CAGE1: variants seen among roughly 807,000 people sequenced by gnomAD.
CAGE1 encodes the protein cancer-associated gene 1 protein.
Under a neutral mutation model 94.9 loss-of-function variants are expected in CAGE1, and 66 were observed. The ratio of observed to expected loss-of-function variants is 0.70; its 90% CI spans 0.57 to 0.85. CAGE1 has a LOEUF of 0.85. Among genes scored for constraint, CAGE1 ranks in the 40% least tolerant of loss-of-function variants. CAGE1 has a pLI of 0.00. For synonymous variants in CAGE1, 319 were observed against 321.0 expected, an observed-to-expected ratio of 0.99 and a Z score of 0.07; for missense variants, 865 against 950.4, an observed-to-expected ratio of 0.91 and a Z score of 1.18.
At chr6:7,355,317 C>G (rs1214850190) in intron 10 of CAGE1, among the ~76,000 whole-genome samples, 1 of 151,964 alleles carries the variant, frequency 6.6e-6, no homozygotes, top group Non-Finnish European at 1.5e-5. Flanking sequence ...CGTGAAGTAC[C>G]AAAAAATGGA....
At position 7,373,293 on chromosome 6, in the gene CAGE1, A is replaced by C. The variant is rs1760615239; in HGVS notation, c.1526T>G (p.Leu509Arg). The change falls in exon 5 of 14, where the codon CTT becomes CGT. Residue 509 changes from leucine (L) to arginine (R), a missense_variant. By Grantham distance (102) the Leu-to-Arg change is moderately radical (BLOSUM62 -2). Transcript: ENST00000502583. Reference sequence around the variant, plus strand: ...TCTAACTTGAGTGAGCAATTTCTCAAGTCTAGATTTCAGTTTCTGTCTTTC... The same window carrying C: ...TCTAACTTGAGTGAGCAATTTCTCACGTCTAGATTTCAGTTTCTGTCTTTC... ...LEERQKLKSR[L>R]EKLLTQVRNL... The C allele has an allele frequency of 1.2e-6, 2 of 1,604,846 alleles. No homozygotes were observed. The highest frequency in any genetic ancestry group is 1.7e-5 in the Admixed American group (1 of 58,262).
At chr6:7,343,950 A>G (rs571553127) in intron 11 of CAGE1, among the ~76,000 whole-genome samples, 5 of 152,366 alleles carry the variant, frequency 3.3e-5, no homozygotes, top group African/African-American at 1.2e-4. Context: ...AGATTCATCA[A>G]AAACACAGAC....
intron 4 of CAGE1, among the ~76,000 whole-genome samples, chr6:7,375,434 A>AC (rs557642613): frequency 7.5e-4 from 114 of 152,128 alleles, no homozygotes; most frequent in Middle Eastern, 6.8e-3. Flanking sequence ...AAACAAACAA[A>AC]AAAAACAAAA....
At chr6:7,345,485 A>G (rs372379749) in intron 11 of CAGE1, among the ~76,000 whole-genome samples, 2 of 152,224 alleles carry the variant, frequency 1.3e-5, no homozygotes, top group Admixed American at 1.3e-4. Flanking sequence ...ACAAAATGGC[A>G]TACTCACATT....
At chr6:7,361,013 G>A (rs1223543321) in intron 9 of CAGE1, among the ~76,000 whole-genome samples, 1 of 152,056 alleles carries the variant, frequency 6.6e-6, no homozygotes, top group Non-Finnish European at 1.5e-5. Context: ...TATAGAGCAG[G>A]TGAGGAACAA....
At chr6:7,334,133 T>C in intron 11 of CAGE1, 43 bp from the exon 12 acceptor site, 1 of 1,210,608 alleles carries the variant, frequency 8.3e-7, no homozygotes, top group Middle Eastern at 1.9e-4. Flanking sequence ...AAATGGACTT[T>C]TCTAGACCAA....
In CAGE1 at chr6:7,385,847, T is replaced by G; in HGVS notation, c.221A>C (p.Glu74Ala). ...ACAAAGTGTGGATTCATACTCATTT[T>G]CCCTTTCAAAATTCTTTATTTCGTT... ...PQNEIKNFER[E>A]NEYESTLCED... Residue 74 changes from glutamate to alanine, a missense_variant, in exon 3 of 14, where the codon GAA becomes GCA. By Grantham distance (107) the Glu-to-Ala change is moderately radical. Transcript: ENST00000502583. 2 of 1,539,210 alleles carry G rather than the reference T, an allele frequency of 1.3e-6. No individual in the cohort carries two copies. Among genetic ancestry groups the G allele is most frequent in the Non-Finnish European group, 1.8e-6 (2 of 1,142,422 alleles).
intron 11 of CAGE1, among the ~76,000 whole-genome samples, chr6:7,354,203 T>A (rs1759876478): frequency 6.6e-6 from 1 of 152,240 alleles, no homozygotes. Context: ...TTATATTTCA[T>A]TGGCCTATGA....
At chr6:7,371,977 G>A (rs1461019675) in intron 5 of CAGE1, among the ~76,000 whole-genome samples, 4 of 148,250 alleles carry the variant, frequency 2.7e-5, no homozygotes, top group Non-Finnish European at 4.4e-5. Flanking sequence ...CAGGTTCTTC[G>A]CTGCCAAAAA....
At chr6:7,341,137 A>T in intron 11 of CAGE1, 1 of 564,176 alleles carries the variant, frequency 1.8e-6, no homozygotes, top group Non-Finnish European at 3.5e-6. Context: ...AGCTTCCCAC[A>T]GCCGGTAGTT....
chr6:7,354,516 G>C (rs968111073), intron 11 of CAGE1, among the ~76,000 whole-genome samples: 2 of 152,102 alleles, frequency 1.3e-5, no homozygotes, highest in African/African-American at 4.8e-5. Context: ...TCCAGTGATA[G>C]CCAGCACAGC....
intron 13 of CAGE1, chr6:7,329,232 C>A: frequency 2.5e-6 from 1 of 402,570 alleles, no homozygotes; most frequent in South Asian, 9.9e-5. Context: ...CGCGCCCAGC[C>A]TGTATCCTAT....
chr6:7,387,713 T>C (rs370274686), intron 1 of CAGE1, among the ~76,000 whole-genome samples: 26 of 152,200 alleles, frequency 1.7e-4, no homozygotes, highest in South Asian at 6.2e-4. Context: ...GTCCCGTCCA[T>C]GTCTCCTTTA....
chr6:7,336,854 C>T lies in CAGE1; in HGVS notation c.2370-2764G>A, dbSNP rs1758970112. ...TGCTTATTTGCCATCCATATACTTT[C>T]TTGGTAGAATCTCTACTAAAATCTT... On this transcript the variant is annotated intron_variant, in intron 11 of 13. Coordinates refer to ENST00000502583, the MANE Select transcript of CAGE1 (RefSeq NM_001170692.2). Among the ~76,000 whole-genome samples the T allele has an allele frequency of 2.0e-5, 3 of 152,142 alleles. 1 individual carries two copies. Among genetic ancestry groups the T allele is most frequent in the Non-Finnish European group, 4.4e-5 (3 of 68,026 alleles).
chr6:7,375,340 T>A (rs1395388725), intron 4 of CAGE1, among the ~76,000 whole-genome samples: 2 of 150,810 alleles, frequency 1.3e-5, no homozygotes, highest in African/African-American at 2.4e-5. Flanking sequence ...ACCCTGGAGG[T>A]GGAGGCTACA....
chr6:7,344,342 T>A (rs1018389031), intron 11 of CAGE1, among the ~76,000 whole-genome samples: 28 of 152,218 alleles, frequency 1.8e-4, no homozygotes, highest in African/African-American at 6.5e-4. Context: ...GCCCGGGCAA[T>A]GAGGGGTTTA....
intron 3 of CAGE1, among the ~76,000 whole-genome samples, chr6:7,380,254 C>A (rs1760885447): frequency 6.6e-6 from 1 of 152,278 alleles, no homozygotes; most frequent in East Asian, 1.9e-4. Flanking sequence ...CTCCAAAATA[C>A]CCTGCAACAC....
Position 7,329,900 on chromosome 6 carries a change from AG to A in CAGE1, c.2439-13del, listed in dbSNP as rs754735957. The A allele has an allele frequency of 3.0e-6, 4 of 1,333,826 alleles. No homozygotes were observed. The highest frequency in any genetic ancestry group is 3.2e-6 in the Non-Finnish European group (3 of 946,208). 82.6% of individuals were successfully genotyped at this position (1,333,826 alleles called of 1,614,324 possible). A position where few individuals can be genotyped will look rare whatever the true frequency, so the allele number is the denominator to read the frequency against. ...CTAAGCTTTTTGATCTGTAAGAAAT[AG>A]AAAGAAAATAATGTAAAAAGGAGGA... On this transcript the variant is annotated splice_polypyrimidine_tract_variant and intron_variant, in intron 12 of 13. Transcript: ENST00000502583.
intron 1 of CAGE1, among the ~76,000 whole-genome samples, chr6:7,388,513 G>T (rs976221174): frequency 3.5e-4 from 53 of 152,114 alleles, no homozygotes; most frequent in African/African-American, 1.3e-3. Context: ...GTCTTGAGAG[G>T]AGCATACTTA....
Sources: gnomAD v4.1 joint callset for allele counts (sites outside exome capture counted in the v4.1 genomes callset) on GRCh38, gnomAD v4.1.1 for gene constraint, MANE v1.5 for transcripts, NCBI Gene and HGNC (gene_info 2026-07-23, HGNC 2026-07-21) for gene names.